The following COL5A2 variants were observed in gnomAD, a reference collection of about 807,000 sequenced individuals.
COL5A2 encodes collagen alpha-2(V) chain.
A neutral mutation model predicts 208.2 loss-of-function variants in COL5A2; 23 were observed. The observed-to-expected ratio is 0.11, with a 90% CI of 0.08 to 0.16. The LOEUF (loss-of-function observed/expected upper bound fraction) is 0.16, where lower values mean the gene tolerates loss of function less well. Ranked by LOEUF, COL5A2 falls within the 10% of genes least tolerant of loss-of-function variation. The probability of loss-of-function intolerance (pLI) is 1.00; values close to 1 mark genes in which losing one functional copy is unlikely to be tolerated. For synonymous variants in COL5A2, 625 were observed against 628.5 expected, an observed-to-expected ratio of 0.99 and a Z score of 0.08; for missense variants, 1,590 against 1,956.4, an observed-to-expected ratio of 0.81 and a Z score of 3.53.
At chr2:189,138,125 C>T (rs565090351) in intron 1 of COL5A2, among the ~76,000 whole-genome samples, 1 of 152,180 alleles carries the variant, frequency 6.6e-6, no homozygotes, top group South Asian at 2.1e-4. Context: ...CAGGTGCATG[C>T]CACAATGCCC....
intron 1 of COL5A2, among the ~76,000 whole-genome samples, chr2:189,112,694 C>G (rs1559110009): frequency 6.6e-6 from 1 of 152,134 alleles, no homozygotes; most frequent in Non-Finnish European, 1.5e-5. Context: ...ATCAACAAAA[C>G]AGTATTAGCT....
intron 1 of COL5A2, among the ~76,000 whole-genome samples, chr2:189,189,008 G>A (rs1412096085): frequency 6.6e-6 from 1 of 152,116 alleles, no homozygotes; most frequent in Non-Finnish European, 1.5e-5. Flanking sequence ...CAGATTTATA[G>A]AATTTTCTGT....
intron 1 of COL5A2, among the ~76,000 whole-genome samples, chr2:189,172,045 C>T (rs926384206): frequency 3.9e-5 from 6 of 152,146 alleles, no homozygotes; most frequent in African/African-American, 1.4e-4. Context: ...TGGAATATCA[C>T]ACATTTTAAT....
At chr2:189,203,429 A>C (rs1324325448) in intron 1 of COL5A2, among the ~76,000 whole-genome samples, 2 of 152,232 alleles carry the variant, frequency 1.3e-5, no homozygotes, top group Non-Finnish European at 2.9e-5. Context: ...CTGTATGCAG[A>C]ATACTTTAGT....
chr2:189,403,946 T>C, the COL5A2 span, among the ~76,000 whole-genome samples: 1 of 152,054 alleles, frequency 6.6e-6, no homozygotes, highest in Non-Finnish European at 1.5e-5. Flanking sequence ...TTGGCCAGGA[T>C]GGTCTCAATC....
the COL5A2 span, among the ~76,000 whole-genome samples, chr2:189,396,680 A>C: frequency 4.9e-4 from 70 of 143,166 alleles, 6 homozygotes. Flanking sequence ...TTAAAAAAAA[A>C]AAAAAAAAAA....
the COL5A2 span, chr2:189,311,548 C>T: frequency 6.3e-6 from 8 of 1,271,048 alleles, no homozygotes; most frequent in Admixed American, 1.2e-4. Flanking sequence ...TGAGCTGCTC[C>T]ATCTGCTGGG....
At chr2:189,155,667 C>A (rs1003519118) in intron 1 of COL5A2, among the ~76,000 whole-genome samples, 3 of 152,050 alleles carry the variant, frequency 2.0e-5, no homozygotes, top group African/African-American at 7.2e-5. Flanking sequence ...TGGAAATTAT[C>A]TTTTTAAAAT....
chr2:189,330,849 C>T, the COL5A2 span, among the ~76,000 whole-genome samples: 1 of 152,096 alleles, frequency 6.6e-6, no homozygotes, highest in East Asian at 1.9e-4. Flanking sequence ...AAAATAATAC[C>T]TTCAATTTAA....
chr2:189,140,728 A>G (rs950780279), intron 1 of COL5A2, among the ~76,000 whole-genome samples: 1 of 152,108 alleles, frequency 6.6e-6, no homozygotes, highest in African/African-American at 2.4e-5. Context: ...AATGTATACT[A>G]AGAAAAATAG....
At chr2:189,080,067 G>GA (rs1686497690) in intron 13 of COL5A2, 36 bp from the exon 14 acceptor site, 2 of 1,558,914 alleles carry the variant, frequency 1.3e-6, no homozygotes, top group East Asian at 2.2e-5. Context: ...TTTGTATCCT[G>GA]TTTTTTTCAA....
At chr2:189,201,528 C>A (rs1291276891) in intron 1 of COL5A2, among the ~76,000 whole-genome samples, 1 of 151,572 alleles carries the variant, frequency 6.6e-6, no homozygotes, top group Non-Finnish European at 1.5e-5. Context: ...AGGAGGGAAA[C>A]AAGAAAATGG....
chr2:189,281,965 C>G, the COL5A2 span, among the ~76,000 whole-genome samples: 3 of 152,134 alleles, frequency 2.0e-5, no homozygotes, highest in Non-Finnish European at 4.4e-5. Flanking sequence ...GGGTGGATCA[C>G]CTGAGGTCAG....
At chr2:189,150,965 C>CATA (rs927372514) in intron 1 of COL5A2, among the ~76,000 whole-genome samples, 1 of 152,142 alleles carries the variant, frequency 6.6e-6, no homozygotes, top group African/African-American at 2.4e-5. Context: ...GGGAATCCCA[C>CATA]ATAACATTTT....
At chr2:189,039,249 C>A in intron 51 of COL5A2, 23 bp downstream of exon 51, 1 of 1,613,038 alleles carries the variant, frequency 6.2e-7, no homozygotes. Context: ...GGGTTTTGCT[C>A]AAATGGGCTG....
chr2:189,113,116 T>C (rs1005733178), intron 1 of COL5A2, among the ~76,000 whole-genome samples: 2 of 152,184 alleles, frequency 1.3e-5, no homozygotes, highest in African/African-American at 2.4e-5. Context: ...ATGTGCCTAG[T>C]ACTAATTGTG....
At chr2:189,281,120 T>C in the COL5A2 span, among the ~76,000 whole-genome samples, 1 of 152,154 alleles carries the variant, frequency 6.6e-6, no homozygotes, top group Non-Finnish European at 1.5e-5. Context: ...ATTATATCTC[T>C]TAATCTTTAA....
At chr2:189,046,259 T>C (rs1188198199) in intron 45 of COL5A2, among the ~76,000 whole-genome samples, 1 of 152,140 alleles carries the variant, frequency 6.6e-6, no homozygotes, top group African/African-American at 2.4e-5. Flanking sequence ...CACAAAGACT[T>C]TCCAAAGACT....
chr2:189,204,044 C>T (rs1689112731), intron 1 of COL5A2, among the ~76,000 whole-genome samples: 1 of 152,124 alleles, frequency 6.6e-6, no homozygotes, highest in Non-Finnish European at 1.5e-5. Flanking sequence ...ACTACAGTCG[C>T]CCGCCACCAC....
Sources: allele counts gnomAD v4.1 joint callset (sites outside exome capture counted in the v4.1 genomes callset), GRCh38; gene constraint gnomAD v4.1.1; transcripts MANE v1.5; gene names NCBI Gene and HGNC (gene_info 2026-07-23, HGNC 2026-07-21).